GDAP1: variants seen among roughly 807,000 people sequenced by gnomAD.
GDAP1 encodes ganglioside-induced differentiation-associated protein 1.
GDAP1 carries 34 observed loss-of-function variants against 40.1 expected under a neutral mutation model. The observed-to-expected ratio is 0.85, with a 90% CI of 0.64 to 1.13. GDAP1 has a LOEUF of 1.13. GDAP1 is among the 50% of genes most tolerant of loss of function. The probability of loss-of-function intolerance (pLI) is 0.00; values close to 1 mark genes in which losing one functional copy is unlikely to be tolerated. For synonymous variants in GDAP1, 170 were observed against 157.4 expected (o/e 1.08, Z -0.60); for missense variants, 374 against 433.7 (o/e 0.86, Z 1.22).
chr8:74,419,158 C>G (rs1288021022), intron 2 of GDAP1, among the ~76,000 whole-genome samples: 1 of 152,122 alleles, frequency 6.6e-6, no homozygotes, highest in Non-Finnish European at 1.5e-5. Context: ...CCATATAACT[C>G]AAAAATTCCA....
chr8:74,355,646 C>G (rs1369665560), intron 2 of GDAP1, among the ~76,000 whole-genome samples: 3 of 152,180 alleles, frequency 2.0e-5, no homozygotes, highest in Non-Finnish European at 4.4e-5. Flanking sequence ...CTATTGTACT[C>G]ATAACCTCTT....
At chr8:74,353,996 A>G (rs1378613601) in intron 2 of GDAP1, among the ~76,000 whole-genome samples, 2 of 152,170 alleles carry the variant, frequency 1.3e-5, no homozygotes, top group Admixed American at 6.5e-5. Context: ...ATGGTTCTAG[A>G]TATAGTATAT....
chr8:74,469,291 T>A (rs1806513182), intron 2 of GDAP1, among the ~76,000 whole-genome samples: 1 of 152,166 alleles, frequency 6.6e-6, no homozygotes, highest in African/African-American at 2.4e-5. Flanking sequence ...AAAATTAGGA[T>A]TTTTTTCCTT....
chr8:74,442,368 C>G (rs571377831), intron 2 of GDAP1, among the ~76,000 whole-genome samples: 49 of 152,294 alleles, frequency 3.2e-4, no homozygotes, highest in South Asian at 1.7e-3. Flanking sequence ...TAGTGTTTAG[C>G]TATTCTGTCA....
intron 2 of GDAP1, among the ~76,000 whole-genome samples, chr8:74,392,038 C>T (rs932667947): frequency 1.3e-5 from 2 of 152,120 alleles, no homozygotes; most frequent in South Asian, 2.1e-4. Context: ...AGGCTGGTCT[C>T]GAACTCCCGA....
intron 2 of GDAP1, among the ~76,000 whole-genome samples, chr8:74,359,682 T>A (rs1351006362): frequency 6.6e-6 from 1 of 152,236 alleles, no homozygotes; most frequent in Non-Finnish European, 1.5e-5. Context: ...AGAACTGTGC[T>A]AGACTCTGGA....
intron 2 of GDAP1, among the ~76,000 whole-genome samples, chr8:74,433,756 C>T (rs1305337027): frequency 6.6e-6 from 1 of 152,112 alleles, no homozygotes; most frequent in Non-Finnish European, 1.5e-5. Flanking sequence ...TGTGCCACAT[C>T]CCGAAGAGAG....
intron 2 of GDAP1, among the ~76,000 whole-genome samples, chr8:74,411,729 A>AT (rs1314091912): frequency 6.7e-6 from 1 of 148,274 alleles, no homozygotes; most frequent in Non-Finnish European, 1.5e-5. Context: ...CAAAAAAAAA[A>AT]AAAATTGCTA....
chr8:74,361,532 G>C (rs1205656155), intron 3 of GDAP1, among the ~76,000 whole-genome samples: 1 of 152,104 alleles, frequency 6.6e-6, no homozygotes, highest in Non-Finnish European at 1.5e-5. Context: ...GAGTAGCTGG[G>C]ATGACAGGCA....
intron 2 of GDAP1, among the ~76,000 whole-genome samples, chr8:74,385,157 A>G (rs1470804086): frequency 6.6e-6 from 1 of 152,046 alleles, no homozygotes; most frequent in East Asian, 1.9e-4. Context: ...ATGGATAAAG[A>G]GATAGGTGGT....
chr8:74,357,199 T>G (rs1256489912), intron 2 of GDAP1, among the ~76,000 whole-genome samples: 1 of 152,212 alleles, frequency 6.6e-6, no homozygotes, highest in Non-Finnish European at 1.5e-5. Flanking sequence ...TAAGGGAGAC[T>G]TGAAAGTTGT....
chr8:74,462,905 T>C (rs1806418294), intron 2 of GDAP1, among the ~76,000 whole-genome samples: 1 of 151,294 alleles, frequency 6.6e-6, no homozygotes, highest in Non-Finnish European at 1.5e-5. Flanking sequence ...ATACAAAACC[T>C]GATGAATTGT....
chr8:74,379,911 C>G (rs1202194286), intron 2 of GDAP1, among the ~76,000 whole-genome samples: 1 of 152,178 alleles, frequency 6.6e-6, no homozygotes, highest in Admixed American at 6.5e-5. Context: ...GGACCTCACC[C>G]CCAACATAAA....
At chr8:74,366,941 T>C (rs1586810442), downstream of GDAP1, 1 of 361,750 alleles carries the variant, frequency 2.8e-6, no homozygotes, top group South Asian at 2.2e-5. Context: ...CAAAGCATCA[T>C]GTGGTAGTTA....
chr8:74,420,810 ATT>A (rs35436329), intron 2 of GDAP1, among the ~76,000 whole-genome samples: 5 of 149,238 alleles, frequency 3.4e-5, no homozygotes, highest in Non-Finnish European at 7.4e-5. Flanking sequence ...TGATTCCTGT[ATT>A]TTTTTTTTAA....
At chr8:74,355,220 A>G (rs1809042275) in intron 2 of GDAP1, among the ~76,000 whole-genome samples, 1 of 152,142 alleles carries the variant, frequency 6.6e-6, no homozygotes, top group South Asian at 2.1e-4. Flanking sequence ...ATAGACATGA[A>G]TGATGCTCCT....
At chr8:74,470,174 T>C (rs1294571440) in intron 2 of GDAP1, among the ~76,000 whole-genome samples, 1 of 152,108 alleles carries the variant, frequency 6.6e-6, no homozygotes. Flanking sequence ...AGTTTTCAAA[T>C]TTATTTGCTT....
At chr8:74,398,594 G>A (rs1474864007) in intron 2 of GDAP1, among the ~76,000 whole-genome samples, 1 of 152,194 alleles carries the variant, frequency 6.6e-6, no homozygotes, top group East Asian at 1.9e-4. Context: ...TGTTGAATAG[G>A]AGTGGTGAGA....
intron 2 of GDAP1, among the ~76,000 whole-genome samples, chr8:74,466,941 A>G (rs1000451480): frequency 1.3e-5 from 2 of 152,194 alleles, no homozygotes; most frequent in Non-Finnish European, 2.9e-5. Flanking sequence ...TGCTGCTGAA[A>G]GGGAAGAATT....
Sources: allele counts gnomAD v4.1 joint callset (sites outside exome capture counted in the v4.1 genomes callset), GRCh38; gene constraint gnomAD v4.1.1; transcripts MANE v1.5; gene names NCBI Gene and HGNC (gene_info 2026-07-23, HGNC 2026-07-21).